Variants in FNDC3A observed in about 807,000 individuals in gnomAD.
The protein encoded by FNDC3A is fibronectin type-III domain-containing protein 3A.
FNDC3A carries 32 observed loss-of-function variants against 148.9 expected under a neutral mutation model. That is an observed-to-expected ratio of 0.21 (90% confidence interval 0.16 to 0.29). The LOEUF (loss-of-function observed/expected upper bound fraction) is 0.29, where lower values mean the gene tolerates loss of function less well. FNDC3A is among the 10% of genes least tolerant of loss of function. The pLI is 1.00. For missense variants in FNDC3A, 1,191 were observed against 1,452.8 expected, an observed-to-expected ratio of 0.82 and a Z score of 2.93; for synonymous variants, 472 against 473.6, an observed-to-expected ratio of 1.00 and a Z score of 0.04.
At chr13:49,172,788 G>A (rs1167308684) in intron 11 of FNDC3A, among the ~76,000 whole-genome samples, 1 of 152,146 alleles carries the variant, frequency 6.6e-6, no homozygotes, top group East Asian at 1.9e-4. Context: ...CACAGGTTCA[G>A]GGGATTGGGA....
intron 7 of FNDC3A, among the ~76,000 whole-genome samples, chr13:49,144,031 A>G (rs947556989): frequency 2.1e-4 from 32 of 150,316 alleles, no homozygotes; most frequent in Non-Finnish European, 3.7e-4. Context: ...TACTACTACT[A>G]CTAATAATAA....
chr13:49,127,624 G>A (rs574057045), intron 4 of FNDC3A, among the ~76,000 whole-genome samples: 2 of 152,152 alleles, frequency 1.3e-5, no homozygotes, highest in South Asian at 2.1e-4. Flanking sequence ...CTTCTGCCTC[G>A]CTTGGTCATC....
chr13:49,060,007 A>G (rs1029761217), intron 2 of FNDC3A, among the ~76,000 whole-genome samples: 1 of 152,252 alleles, frequency 6.6e-6, no homozygotes, highest in African/African-American at 2.4e-5. Flanking sequence ...AAAATGGAAT[A>G]ACAAACTGGC....
chr13:49,195,383 G>A (rs945489179), intron 19 of FNDC3A, among the ~76,000 whole-genome samples: 11 of 152,048 alleles, frequency 7.2e-5, no homozygotes, highest in African/African-American at 1.7e-4. Flanking sequence ...CTGTGCAATC[G>A]GATTTGGAGG....
chr13:49,201,446 T>C (rs779299807), intron 23 of FNDC3A, among the ~76,000 whole-genome samples: 5 of 152,090 alleles, frequency 3.3e-5, no homozygotes, highest in Non-Finnish European at 5.9e-5. Flanking sequence ...TAATTTGTAA[T>C]GAAAATTGTG....
chr13:49,091,829 G>A (rs187307228), intron 3 of FNDC3A, among the ~76,000 whole-genome samples: 2 of 152,156 alleles, frequency 1.3e-5, no homozygotes, highest in African/African-American at 2.4e-5. Context: ...GCTCAAGCTC[G>A]ATCACTTCCA....
chr13:49,187,497 T>G lies in FNDC3A; in HGVS notation c.1825+307T>G, dbSNP rs113387534. On this transcript the variant is annotated intron_variant, in intron 16 of 25. Transcript: ENST00000492622. ...AACATCCTTATGTTTTAAGTAGTTG[T>G]TGTCTTACTACAAGAAAGGGTGTAG... 1.7e-4 allele frequency: 268 copies of G among 1,566,858 alleles called. No individual in the cohort carries two copies. The Middle Eastern group carries it at 2.5e-3, about 15-fold the overall frequency.
chr13:49,162,115 G>A (rs2138026166), intron 8 of FNDC3A, among the ~76,000 whole-genome samples: 1 of 152,240 alleles, frequency 6.6e-6, no homozygotes, highest in East Asian at 1.9e-4. Flanking sequence ...GAGTGTCTTT[G>A]TGGTGGTCTC....
chr13:49,039,384 T>G (rs985648888), intron 2 of FNDC3A, among the ~76,000 whole-genome samples: 3 of 152,188 alleles, frequency 2.0e-5, no homozygotes, highest in African/African-American at 7.2e-5. Flanking sequence ...GTTTAGAGGT[T>G]CCCGTCAGGC....
intron 7 of FNDC3A, among the ~76,000 whole-genome samples, chr13:49,141,280 TC>T (rs1882676746): frequency 6.6e-6 from 1 of 152,256 alleles, no homozygotes; most frequent in South Asian, 2.1e-4. Flanking sequence ...TTGAAATTGT[TC>T]TCAGTCTCAT....
At chr13:48,982,866 G>A (rs1036940808) in intron 1 of FNDC3A, among the ~76,000 whole-genome samples, 7 of 152,082 alleles carry the variant, frequency 4.6e-5, no homozygotes, top group African/African-American at 1.4e-4. Flanking sequence ...GCCTTGGTTC[G>A]TTCATTTTAC....
At chr13:49,198,975 T>A (rs1169312460) in intron 23 of FNDC3A, among the ~76,000 whole-genome samples, 1 of 152,158 alleles carries the variant, frequency 6.6e-6, no homozygotes, top group African/African-American at 2.4e-5. Context: ...AAAAGACACC[T>A]AATCTTAGAT....
intron 2 of FNDC3A, among the ~76,000 whole-genome samples, chr13:49,030,073 C>G (rs758767981): frequency 6.6e-6 from 1 of 152,098 alleles, no homozygotes; most frequent in Non-Finnish European, 1.5e-5. Context: ...CTAAACCAGA[C>G]AGAGACATTG....
chr13:49,032,692 C>T lies in FNDC3A; in HGVS notation c.99+26403C>T, dbSNP rs1874210836. 4.0e-5 allele frequency among the ~76,000 whole-genome samples: 6 copies of T among 151,780 alleles called. No homozygotes were observed. The South Asian group carries it at 8.3e-4, about 21-fold the overall frequency. On this transcript the variant is annotated intron_variant, in intron 2 of 25. Transcript: ENST00000492622. ...CGGAGCTTGCAGTGAGCCGAGACCG[C>T]GCCACTGCACTCCAGCCTGGGCGAC...
chr13:49,129,795 G>A (rs1289804756), intron 4 of FNDC3A, among the ~76,000 whole-genome samples: 3 of 152,186 alleles, frequency 2.0e-5, no homozygotes, highest in Non-Finnish European at 4.4e-5. Context: ...TCACACTCCA[G>A]TAGGTAAGGA....
intron 14 of FNDC3A, among the ~76,000 whole-genome samples, chr13:49,183,840 C>T (rs1041600491): frequency 1.3e-5 from 2 of 152,100 alleles, no homozygotes; most frequent in Admixed American, 1.3e-4. Context: ...TACTCATATC[C>T]TTGTGTATGG....
At chr13:49,034,584 T>C (rs1874361829) in intron 2 of FNDC3A, among the ~76,000 whole-genome samples, 2 of 152,066 alleles carry the variant, frequency 1.3e-5, no homozygotes, top group African/African-American at 4.8e-5. Context: ...TGAAAACTTG[T>C]GTTTTTGAGT....
At position 49,203,294 on chromosome 13, in the gene FNDC3A, AAG is replaced by A; in HGVS notation, c.3282+12_3282+13del. 2 of 1,588,018 alleles carry A rather than the reference AAG, an allele frequency of 1.3e-6. No homozygotes were observed. The highest frequency in any genetic ancestry group is 1.7e-4 in the Middle Eastern group (1 of 5,980). On this transcript the variant is annotated intron_variant, in intron 25 of 25. Coordinates refer to ENST00000492622, the MANE Select transcript of FNDC3A (RefSeq NM_001079673.2). ...TTCAGAATTCAAACAGGTATGTACCAAGATATTAATGTGTGGATGCATATTTT... is the reference window on the plus strand; with the variant it reads ...TTCAGAATTCAAACAGGTATGTACCAATATTAATGTGTGGATGCATATTTT...
At chr13:49,133,662 C>A (rs976233716) in intron 5 of FNDC3A, among the ~76,000 whole-genome samples, 1 of 152,188 alleles carries the variant, frequency 6.6e-6, no homozygotes, top group East Asian at 1.9e-4. Flanking sequence ...TTAGCAGTAC[C>A]ATTAGTGAGC....
Sources: gnomAD v4.1 joint callset for allele counts (sites outside exome capture counted in the v4.1 genomes callset) on GRCh38, gnomAD v4.1.1 for gene constraint, MANE v1.5 for transcripts, NCBI Gene and HGNC (gene_info 2026-07-23, HGNC 2026-07-21) for gene names.